The following SYT1 variants were observed in gnomAD, a reference collection of about 807,000 sequenced individuals.
SYT1 encodes the protein synaptotagmin 1, also known as synaptotagmin-1.
Under a neutral mutation model 44.8 loss-of-function variants are expected in SYT1, and 8 were observed. That is an observed-to-expected ratio of 0.18 (90% CI 0.10 to 0.32). The LOEUF is 0.32. SYT1 is among the 10% of genes least tolerant of loss of function. The pLI, the probability that SYT1 is intolerant of heterozygous loss-of-function variation, is 1.00. For missense variants in SYT1, 286 were observed against 509.3 expected, an observed-to-expected ratio of 0.56 and a Z score of 4.22; for synonymous variants, 154 against 188.8, an observed-to-expected ratio of 0.82 and a Z score of 1.51.
In SYT1 at chr12:79,451,642, GC is replaced by G. The variant is rs1196036791; in HGVS notation, c.*2519del. On this transcript the variant is annotated 3_prime_UTR_variant, in exon 11 of 11. Transcript: ENST00000261205. ...CTTTCACAAGTCAGTGATGGAACCT[GC>G]TTTATGACCAAGATTCATCCTCAAA... 2 of 152,196 alleles carry G rather than the reference GC, an allele frequency of 1.3e-5. No individual in the cohort carries two copies. Among genetic ancestry groups the G allele is most frequent in the Non-Finnish European group, 2.9e-5 (2 of 68,020 alleles). 9.4% of individuals were successfully genotyped at this position (152,196 alleles called of 1,614,324 possible).
intron 3 of SYT1, among the ~76,000 whole-genome samples, chr12:79,120,066 C>T (rs563317257): frequency 6.4e-4 from 97 of 152,236 alleles, no homozygotes; most frequent in African/African-American, 2.2e-3. Context: ...AGGAATTCAG[C>T]TCCCTGGCTC....
intron 10 of SYT1, among the ~76,000 whole-genome samples, chr12:79,445,172 T>C (rs1246027787): frequency 6.6e-6 from 1 of 152,142 alleles, no homozygotes; most frequent in Non-Finnish European, 1.5e-5. Flanking sequence ...TATTTTATTT[T>C]ATTTATTTTA....
At chr12:79,052,886 G>A (rs1874620585) in intron 3 of SYT1, among the ~76,000 whole-genome samples, 1 of 152,268 alleles carries the variant, frequency 6.6e-6, no homozygotes, top group African/African-American at 2.4e-5. Flanking sequence ...TGGAGAAATA[G>A]GAACACTTCT....
intron 3 of SYT1, among the ~76,000 whole-genome samples, chr12:79,083,355 G>C (rs2137961902): frequency 6.6e-6 from 1 of 152,246 alleles, no homozygotes; most frequent in South Asian, 2.1e-4. Context: ...TGGTGAATTT[G>C]AACAGGCTTA....
At chr12:78,864,063 G>C (rs1467365578), upstream of SYT1, 1 of 152,306 alleles carries the variant, frequency 6.6e-6, no homozygotes, top group Non-Finnish European at 1.5e-5. Context: ...TCCCGCCCCC[G>C]CTTCCAACCC....
intron 1 of SYT1, among the ~76,000 whole-genome samples, chr12:78,911,920 T>C (rs896514773): frequency 6.6e-6 from 1 of 151,998 alleles, no homozygotes; most frequent in Non-Finnish European, 1.5e-5. Flanking sequence ...TGAATATTTG[T>C]TGACAATAGT....
At chr12:79,014,179 C>G (rs73351467) in intron 2 of SYT1, among the ~76,000 whole-genome samples, 1 of 147,838 alleles carries the variant, frequency 6.8e-6, no homozygotes, top group African/African-American at 2.5e-5. Context: ...AGAAAATAAG[C>G]CTTGGGTATT....
Position 79,435,862 on chromosome 12 carries a change from G to A in SYT1, c.929-8211G>A, listed in dbSNP as rs1196503806. Among the ~76,000 whole-genome samples, 6 of 152,232 alleles carry A rather than the reference G, an allele frequency of 3.9e-5. No individual in the cohort carries two copies. In the East Asian group the frequency reaches 1.2e-3, roughly 29 times the overall value. ...CTATAGCATCCCTCCCTCTCTCCTA[G>A]TAATGACAATCAAAAATGTCTCAGA... On this transcript the variant is annotated intron_variant, in intron 9 of 10. Coordinates refer to ENST00000261205, the MANE Select transcript of SYT1 (RefSeq NM_005639.3).
Position 79,298,060 on chromosome 12 carries a change from G to A in SYT1, c.643-1324G>A, listed in dbSNP as rs112263412. Among the ~76,000 whole-genome samples the A allele has an allele frequency of 1.3e-4, 20 of 152,122 alleles. 1 individual carries two copies. Among genetic ancestry groups the A allele is most frequent in the African/African-American group, 3.1e-4 (13 of 41,512 alleles). On this transcript the variant is annotated intron_variant, in intron 7 of 10. Coordinates refer to ENST00000261205, the MANE Select transcript of SYT1 (RefSeq NM_005639.3). ...GATGAATAAACTTATGTTTAATCAC[G>A]TGCCCCAGGCCCTTTAGTTGGAAAG...
chr12:79,333,123 T>C (rs559739306), intron 8 of SYT1, among the ~76,000 whole-genome samples: 36 of 152,168 alleles, frequency 2.4e-4, no homozygotes, highest in Non-Finnish European at 3.5e-4. Context: ...TCTGAGTCCA[T>C]TTAGGCTACT....
At chr12:79,084,783 A>AT (rs1405946941) in intron 3 of SYT1, among the ~76,000 whole-genome samples, 2 of 152,138 alleles carry the variant, frequency 1.3e-5, no homozygotes, top group Non-Finnish European at 2.9e-5. Context: ...TTATGATTTA[A>AT]TTTTTTTGAT....
chr12:79,402,007 G>T (rs1885086886), intron 9 of SYT1, among the ~76,000 whole-genome samples: 1 of 152,258 alleles, frequency 6.6e-6, no homozygotes, highest in South Asian at 2.1e-4. Context: ...TAGGAAGAAA[G>T]AGATTAAGAA....
chr12:78,934,129 T>C (rs959727900), intron 1 of SYT1, among the ~76,000 whole-genome samples: 4 of 151,310 alleles, frequency 2.6e-5, no homozygotes, highest in Admixed American at 1.3e-4. Flanking sequence ...TATGTGTGTG[T>C]ATATATGTGT....
At chr12:79,303,671 A>G (rs548456775) in intron 8 of SYT1, among the ~76,000 whole-genome samples, 1 of 152,272 alleles carries the variant, frequency 6.6e-6, no homozygotes, top group African/African-American at 2.4e-5. Flanking sequence ...TGGAAAATCA[A>G]TTTTGCAAGA....
At chr12:79,433,306 C>T (rs985493029) in intron 9 of SYT1, among the ~76,000 whole-genome samples, 1 of 152,126 alleles carries the variant, frequency 6.6e-6, no homozygotes, top group Non-Finnish European at 1.5e-5. Context: ...GTATAAGATA[C>T]CCTCTATTCT....
intron 1 of SYT1, among the ~76,000 whole-genome samples, chr12:78,921,113 T>C (rs778666363): frequency 6.6e-6 from 1 of 151,874 alleles, no homozygotes; most frequent in Non-Finnish European, 1.5e-5. Flanking sequence ...CACCAAAAAT[T>C]TTAGTACAGT....
chr12:78,916,493 T>G (rs1352806461), intron 1 of SYT1, among the ~76,000 whole-genome samples: 1 of 152,058 alleles, frequency 6.6e-6, no homozygotes, highest in Non-Finnish European at 1.5e-5. Context: ...TAAATTGACT[T>G]ATTTCTCTCT....
intron 8 of SYT1, among the ~76,000 whole-genome samples, chr12:79,318,629 T>A (rs116210212): frequency 4.9e-4 from 74 of 152,352 alleles, no homozygotes; most frequent in African/African-American, 1.7e-3. Flanking sequence ...TACTCTGGAA[T>A]GTAGTCAGAG....
chr12:79,106,957 G>A (rs1878751567), intron 3 of SYT1, among the ~76,000 whole-genome samples: 1 of 151,838 alleles, frequency 6.6e-6, no homozygotes, highest in South Asian at 2.1e-4. Context: ...TCCAACATAT[G>A]TCTCACTTTG....
Sources: allele counts gnomAD v4.1 joint callset (sites outside exome capture counted in the v4.1 genomes callset), GRCh38; gene constraint gnomAD v4.1.1; transcripts MANE v1.5; gene names NCBI Gene and HGNC (gene_info 2026-07-23, HGNC 2026-07-21).